FLCN: variants seen among roughly 807,000 people sequenced by gnomAD.
The protein encoded by FLCN is BHD skin lesion fibrofolliculoma protein.
FLCN carries 22 observed loss-of-function variants against 62.5 expected under a neutral mutation model. The observed-to-expected ratio is 0.35, with a 90% CI of 0.25 to 0.50. The LOEUF is 0.50. Ranked by LOEUF, FLCN falls within the 20% of genes least tolerant of loss-of-function variation. The probability of loss-of-function intolerance (pLI) is 0.97; values close to 1 mark genes in which losing one functional copy is unlikely to be tolerated. For missense variants in FLCN, 657 were observed against 778.0 expected (o/e 0.84, Z 1.85); for synonymous variants, 319 against 310.0 (o/e 1.03, Z -0.30).
chr17:17,226,002 C>T, intron 5 of FLCN, 174 bp downstream of exon 5: 1 of 891,040 alleles, frequency 1.1e-6, no homozygotes, highest in Non-Finnish European at 1.8e-6. Context: ...ATGACTCCTC[C>T]CGCAATTCTG....
rs779649597 is a variant in FLCN, at chr17:17,221,376, CA to C, written c.871+160del. The C allele has an allele frequency of 4.8e-5, 77 of 1,609,224 alleles. No homozygotes were observed. In the African/African-American group the frequency reaches 8.8e-4, roughly 18 times the overall value. ...AGACAGGAAATCACAACAATCACAA[CA>C]ATCACACCGAGATCGGAGGGTGAGC... On this transcript the variant is annotated intron_variant, in intron 8 of 13. Transcript: ENST00000285071.
intron 5 of FLCN, 57 bp downstream of exon 5, chr17:17,226,119 A>C: frequency 6.2e-7 from 1 of 1,608,576 alleles, no homozygotes; most frequent in Non-Finnish European, 8.5e-7. Flanking sequence ...GCCCACCCAG[A>C]GCACCTGGGA....
intron 3 of FLCN, 194 bp from the exon 4 acceptor site, chr17:17,228,355 T>C: frequency 1.6e-6 from 1 of 620,454 alleles, no homozygotes. Context: ...GATCTTCCCA[T>C]GGGAGTCACA....
intron 9 of FLCN, among the ~76,000 whole-genome samples, chr17:17,217,857 A>T (rs973660271): frequency 6.6e-6 from 1 of 152,208 alleles, no homozygotes; most frequent in East Asian, 1.9e-4. Context: ...GAAACACAAC[A>T]TAAGAGAGAG....
chr17:17,224,242 A>ATTTGT, intron 5 of FLCN, 99 bp from the exon 6 acceptor site: 2 of 1,114,406 alleles, frequency 1.8e-6, no homozygotes, highest in Non-Finnish European at 1.3e-6. Flanking sequence ...GGCACAAATC[A>ATTTGT]GCCAGCGTTA....
Position 17,222,518 on chromosome 17 carries a change from C to T in FLCN, c.762G>A (p.Leu254=), listed in dbSNP as rs1597601840. The T allele has an allele frequency of 6.2e-7, 1 of 1,614,208 alleles. No individual in the cohort carries two copies. ...CCCGTTACCAGGCAAAGGAGGTGTGCAGGCACGCCCACAGGTTGTCATCAC... is the reference window on the plus strand; with the variant it reads ...CCCGTTACCAGGCAAAGGAGGTGTGTAGGCACGCCCACAGGTTGTCATCAC... ...LTSDDNLWAC[L]HTSFAWLLKA... is the part of the protein sequence containing the mutation. The change falls in exon 7 of 14, where the codon CTG becomes CTA. Residue 254 remains leucine (L), a synonymous_variant. Coordinates refer to ENST00000285071, the MANE Select transcript of FLCN (RefSeq NM_144997.7).
Position 17,217,911 on chromosome 17 carries a change from G to A in FLCN, c.1063-729C>T, listed in dbSNP as rs534819529. ...ACCAAACCCCAACAGCCTCAAAGTA[G>A]TCCCACCTCCAGAGGAATTCCAGAC... On this transcript the variant is annotated intron_variant, in intron 9 of 13. Coordinates refer to ENST00000285071, the MANE Select transcript of FLCN (RefSeq NM_144997.7). Among the ~76,000 whole-genome samples, 24 of 152,234 alleles carry A rather than the reference G, an allele frequency of 1.6e-4. No homozygotes were observed. The South Asian group carries it at 5.0e-3, about 32-fold the overall frequency.
At chr17:17,219,464 G>A (rs944848666) in intron 8 of FLCN, 5 of 470,864 alleles carry the variant, frequency 1.1e-5, no homozygotes, top group Non-Finnish European at 1.9e-5. Context: ...CTGCTGGTGA[G>A]AAAACTCAAA....
chr17:17,216,732 C>T lies in FLCN; in HGVS notation c.1177-229G>A, dbSNP rs556561064. 3.9e-5 allele frequency among the ~76,000 whole-genome samples: 6 copies of T among 152,258 alleles called. No homozygotes were observed. The highest frequency in any genetic ancestry group is 8.8e-5 in the Non-Finnish European group (6 of 68,000). On this transcript the variant is annotated intron_variant, in intron 10 of 13. Transcript: ENST00000285071. The surrounding 1 kb of genome is among the most constrained non-coding windows in gnomAD (Gnocchi z 4.0). ...CCGCCAGTCACACACCAGCTTGTACCGCCCCTCGCTCTGTGGTGTTAACTC... is the reference window on the plus strand; with the variant it reads ...CCGCCAGTCACACACCAGCTTGTACTGCCCCTCGCTCTGTGGTGTTAACTC...
chr17:17,226,395 T>A (rs2047251686), intron 4 of FLCN, 73 bp from the exon 5 acceptor site: 11 of 1,576,866 alleles, frequency 7.0e-6, no homozygotes, highest in Non-Finnish European at 9.6e-6. Context: ...TTTATGCAAA[T>A]CTGAGCTCGG....
rs761660597 is a variant in FLCN, at chr17:17,216,347, G to A, written c.1300+33C>T. The stretch of plus-strand genomic sequence containing the variant: ...CTGAGGCGTGGGGAACCTCAGCGCA[G>A]GGCATGGCCCCACAGCCCGCGGGGG... On this transcript the variant is annotated intron_variant, in intron 11 of 13. Coordinates refer to ENST00000285071, the MANE Select transcript of FLCN (RefSeq NM_144997.7). The surrounding 1 kb of genome is among the most constrained non-coding windows in gnomAD (Gnocchi z 4.0). The A allele has an allele frequency of 2.5e-6, 4 of 1,612,344 alleles. No individual in the cohort carries two copies. The highest frequency in any genetic ancestry group is 3.4e-6 in the Non-Finnish European group (4 of 1,179,360).
In FLCN at chr17:17,215,132, G is replaced by A. The variant is rs375445376; in HGVS notation, c.1433-42C>T. Reference sequence around the variant, plus strand: ...GGGCAGAGCAAGGGCAGGCGTTAGCGCGGGGCGGGGGCATCTTCTCACAAA... The same window carrying A: ...GGGCAGAGCAAGGGCAGGCGTTAGCACGGGGCGGGGGCATCTTCTCACAAA... On this transcript the variant is annotated intron_variant, in intron 12 of 13. Coordinates refer to ENST00000285071, the MANE Select transcript of FLCN (RefSeq NM_144997.7). 1.6e-4 allele frequency: 262 copies of A among 1,613,856 alleles called. No homozygotes were observed. The highest frequency in any genetic ancestry group is 1.9e-4 in the Non-Finnish European group (230 of 1,179,992).
chr17:17,226,506 G>A (rs570967692), intron 4 of FLCN, among the ~76,000 whole-genome samples, 184 bp from the exon 5 acceptor site: 3 of 152,298 alleles, frequency 2.0e-5, no homozygotes, highest in Admixed American at 6.5e-5. Context: ...CACAGAGATC[G>A]CAGAGATTGC....
rs2047190368 is a variant in FLCN at position 17,224,400 on chromosome 17, A to G, written c.397-257T>C. The G allele has an allele frequency of 4.6e-5, 25 of 542,512 alleles. No individual in the cohort carries two copies. In the South Asian group the frequency reaches 5.0e-4, roughly 11 times the overall value. 33.6% of individuals were successfully genotyped at this position (542,512 alleles called of 1,614,324 possible). On this transcript the variant is annotated intron_variant, in intron 5 of 13. Coordinates refer to ENST00000285071, the MANE Select transcript of FLCN (RefSeq NM_144997.7). Reference sequence around the variant, plus strand: ...TGCTTTTCTTCCACCTTGAGCCATAAATAACTCCCATGCATATGTCACACC... The same window carrying G: ...TGCTTTTCTTCCACCTTGAGCCATAGATAACTCCCATGCATATGTCACACC...
chr17:17,222,777 C>T, intron 6 of FLCN, 116 bp from the exon 7 acceptor site: 1 of 1,221,742 alleles, frequency 8.2e-7, no homozygotes. Context: ...TCCCACTATA[C>T]TCTCTCCATG....
In FLCN at chr17:17,219,195, ATTCCTC is replaced by A; in HGVS notation, c.880_885del (p.Glu294_Glu295del). On this transcript the variant is annotated inframe_deletion, in exon 9 of 14. Coordinates refer to ENST00000285071, the MANE Select transcript of FLCN (RefSeq NM_144997.7). ...GCCTCAGAGTTGTCCCAGCTTTCTG[ATTCCTC>A]TTCTAAATCTGCAAGACAGATGACA... The A allele has an allele frequency of 6.2e-7, 1 of 1,614,002 alleles. No individual in the cohort carries two copies. The highest frequency in any genetic ancestry group is 8.5e-7 in the Non-Finnish European group (1 of 1,180,038).
At chr17:17,219,248 A>T in intron 8 of FLCN, 39 bp from the exon 9 acceptor site, 1 of 1,605,508 alleles carries the variant, frequency 6.2e-7, no homozygotes, top group Non-Finnish European at 8.5e-7. Context: ...AGATACAAAC[A>T]GTCTCATCCT....
At chr17:17,220,003 T>G (rs1597594936) in intron 8 of FLCN, 1 of 152,272 alleles carries the variant, frequency 6.6e-6, no homozygotes, top group Non-Finnish European at 1.5e-5. Context: ...CTTCCTCCCC[T>G]TCCTCCCTCC....
rs1205505222 is a variant in FLCN, at chr17:17,212,301, A to C, written c.*1354T>G. 5.7e-6 allele frequency: 1 copy of C among 174,676 alleles called. No individual in the cohort carries two copies. The highest frequency in any genetic ancestry group is 2.4e-5 in the African/African-American group (1 of 42,102). 10.8% of individuals were successfully genotyped at this position (174,676 alleles called of 1,614,324 possible). A position where few individuals can be genotyped will look rare whatever the true frequency, so the allele number is the denominator to read the frequency against. On this transcript the variant is annotated 3_prime_UTR_variant, in exon 14 of 14. Transcript: ENST00000285071. ...AACTTGGTCTTCATGTTAAATATAA[A>C]CACAAAAAAACTAGAAACAAATCAG...
Sources: gnomAD v4.1 joint callset for allele counts (sites outside exome capture counted in the v4.1 genomes callset) on GRCh38, gnomAD v4.1.1 for gene constraint, Gnocchi (gnomAD v3.1) non-coding constraint, MANE v1.5 for transcripts, NCBI Gene and HGNC (gene_info 2026-07-23, HGNC 2026-07-21) for gene names.